LRRC36: variants seen among roughly 807,000 people sequenced by gnomAD.
The protein encoded by LRRC36 is leucine rich repeat containing 36.
A neutral mutation model predicts 81.1 loss-of-function variants in LRRC36; 62 were observed. The observed-to-expected ratio is 0.76, with a 90% confidence interval of 0.62 to 0.94. The LOEUF (loss-of-function observed/expected upper bound fraction) is 0.94, where lower values mean the gene tolerates loss of function less well. Ranked by LOEUF, LRRC36 falls within the 40% of genes least tolerant of loss-of-function variation. The probability of loss-of-function intolerance (pLI) is 0.00; values close to 1 mark genes in which losing one functional copy is unlikely to be tolerated. For synonymous variants in LRRC36, 334 were observed against 348.6 expected, an observed-to-expected ratio of 0.96 and a Z score of 0.47; for missense variants, 761 against 881.7, an observed-to-expected ratio of 0.86 and a Z score of 1.73.
intron 8 of LRRC36, 124 bp downstream of exon 8, chr16:67,367,581 C>A (rs1036035064): frequency 3.6e-6 from 3 of 842,568 alleles, no homozygotes; most frequent in Non-Finnish European, 5.5e-6. Context: ...ATTTTAGGGT[C>A]ACCAGTGGTT....
At chr16:67,364,414 G>A (rs950690957) in intron 6 of LRRC36, among the ~76,000 whole-genome samples, 1 of 152,170 alleles carries the variant, frequency 6.6e-6, no homozygotes, top group Non-Finnish European at 1.5e-5. Context: ...GTAGAAAATA[G>A]CCAGGAGGAG....
chr16:67,365,451 G>A (rs779637603), intron 7 of LRRC36, 96 bp downstream of exon 7: 2 of 1,038,910 alleles, frequency 1.9e-6, no homozygotes, highest in Admixed American at 2.2e-5. Flanking sequence ...CAATATGGGG[G>A]CCCTATTTAG....
intron 1 of LRRC36, among the ~76,000 whole-genome samples, chr16:67,333,297 A>G (rs2037587984): frequency 6.6e-6 from 1 of 151,866 alleles, no homozygotes; most frequent in Admixed American, 6.6e-5. Flanking sequence ...ATACCCTGCT[A>G]ATTTTTGTGT....
rs1285770485 is a variant in LRRC36 at position 67,341,975 on chromosome 16, C to T, written c.89C>T (p.Ser30Leu). ...TTTTCAGAACTGGTGGAGTCTCTTT[C>T]ATTGCAGGGATCTTATGCTGGCAAA... ...LEQPELVESL[S>L]LQGSYAGKIH... is the part of the protein sequence containing the mutation. Residue 30 changes from serine (S) to leucine (L), a missense_variant, in exon 2 of 14, where the codon TCA becomes TTA. Physicochemically the swap from Ser to Leu is moderately radical, Grantham distance 145 (BLOSUM62 -2). Transcript: ENST00000329956. 6 of 1,610,812 alleles carry T rather than the reference C, an allele frequency of 3.7e-6. No individual in the cohort carries two copies. Among genetic ancestry groups the T allele is most frequent in the Non-Finnish European group, 5.1e-6 (6 of 1,178,000 alleles).
At chr16:67,349,900 A>G (rs1354921995) in intron 4 of LRRC36, among the ~76,000 whole-genome samples, 2 of 152,014 alleles carry the variant, frequency 1.3e-5, no homozygotes, top group Non-Finnish European at 2.9e-5. Flanking sequence ...AGCTGGGACT[A>G]CAGGCACCCG....
chr16:67,342,074 C>T lies in LRRC36; in HGVS notation c.188C>T (p.Thr63Ile). 6.2e-7 allele frequency: 1 copy of T among 1,605,698 alleles called. No homozygotes were observed. The highest frequency in any genetic ancestry group is 8.5e-7 in the Non-Finnish European group (1 of 1,174,452). ...RSLDLSRNLI[T>I]SLKGIQYLCS... The stretch of plus-strand genomic sequence containing the variant: ...TTAGATTTATCAAGGAATTTGATCA[C>T]TAGCCTTAAGGTAAGTTATATATTC... Residue 63 changes from threonine to isoleucine, a missense_variant, in exon 2 of 14, where the codon ACT becomes ATT. This residue lies in a region of LRRC36 where 263 missense variants were observed against 279.3 expected (regional missense o/e 0.94). Coordinates refer to ENST00000329956, the MANE Select transcript of LRRC36 (RefSeq NM_018296.6).
At chr16:67,363,814 T>C in intron 6 of LRRC36, 100 bp downstream of exon 6, 1 of 1,350,818 alleles carries the variant, frequency 7.4e-7, no homozygotes, top group Non-Finnish European at 1.0e-6. Flanking sequence ...AGAGGACTTG[T>C]TTGATGAAGG....
At chr16:67,371,303 G>T in intron 9 of LRRC36, 61 bp downstream of exon 9, 1 of 1,589,414 alleles carries the variant, frequency 6.3e-7, no homozygotes, top group African/African-American at 1.3e-5. Flanking sequence ...CCAGAATGAG[G>T]GTTCTGTTGG....
At chr16:67,331,964 G>A (rs1467505656) in intron 1 of LRRC36, among the ~76,000 whole-genome samples, 1 of 151,654 alleles carries the variant, frequency 6.6e-6, no homozygotes, top group African/African-American at 2.4e-5. Context: ...CTCCAGCCTG[G>A]GCAAAGAGAG....
Position 67,343,265 on chromosome 16 carries a change from AAAT to A in LRRC36, c.198+1185_198+1187del, listed in dbSNP as rs138540305. 4.6e-3 allele frequency among the ~76,000 whole-genome samples: 693 copies of A among 152,288 alleles called. 5 individuals are homozygous for A. The highest frequency in any genetic ancestry group is 0.015 in the African/African-American group (638 of 41,554). ...GGTAAACTGGGTGAAAAACTTAGGA[AAAT>A]AATCAAATTAGGGCTGGGCACGGTG... is the stretch of plus-strand genomic sequence containing the variant. On this transcript the variant is annotated intron_variant, in intron 2 of 13. Transcript: ENST00000329956.
intron 4 of LRRC36, among the ~76,000 whole-genome samples, chr16:67,349,784 A>G (rs111290889): frequency 6.6e-6 from 1 of 151,574 alleles, no homozygotes; most frequent in South Asian, 2.1e-4. Flanking sequence ...TTTTGGAGAC[A>G]GAGTCTTGCT....
intron 8 of LRRC36, among the ~76,000 whole-genome samples, chr16:67,367,819 G>A (rs1274016299): frequency 6.6e-6 from 1 of 152,168 alleles, no homozygotes; most frequent in East Asian, 1.9e-4. Flanking sequence ...TTGGGAGGCT[G>A]AGCCGGGTGG....
At position 67,356,108 on chromosome 16, in the gene LRRC36, AACTC is replaced by A. The variant is rs141736478; in HGVS notation, c.577+5823_577+5826del. ...CTGTAGGTACTAGTTGAAACAACCTAACTCACTCTTTTTGCCAGTTCTATTTGCC... is the reference window on the plus strand; with the variant it reads ...CTGTAGGTACTAGTTGAAACAACCTAACTCTTTTTGCCAGTTCTATTTGCC... On this transcript the variant is annotated intron_variant, in intron 5 of 13. Transcript: ENST00000329956. Among the ~76,000 whole-genome samples, 1,166 of 152,338 alleles carry A rather than the reference AACTC, an allele frequency of 7.7e-3. 16 individuals carry two copies. Among genetic ancestry groups the A allele is most frequent in the African/African-American group, 0.027 (1,117 of 41,566 alleles).
intron 1 of LRRC36, chr16:67,336,702 C>G (rs1470029813): frequency 6.6e-6 from 1 of 151,384 alleles, no homozygotes; most frequent in Non-Finnish European, 1.5e-5. Flanking sequence ...GCAATCCTGT[C>G]TCAGCCTCCC....
At chr16:67,355,877 G>A (rs988111989) in intron 5 of LRRC36, among the ~76,000 whole-genome samples, 1 of 152,152 alleles carries the variant, frequency 6.6e-6, no homozygotes, top group Non-Finnish European at 1.5e-5. Flanking sequence ...CTTACAGGCT[G>A]GAGAGCAATG....
chr16:67,372,368 A>T (rs1014728894), intron 9 of LRRC36, among the ~76,000 whole-genome samples: 1 of 152,138 alleles, frequency 6.6e-6, no homozygotes, highest in African/African-American at 2.4e-5. Context: ...AAAAAAAAAA[A>T]AATAAAATAA....
chr16:67,366,874 T>C, intron 7 of LRRC36, 143 bp from the exon 8 acceptor site: 1 of 641,098 alleles, frequency 1.6e-6, no homozygotes, highest in Non-Finnish European at 2.7e-6. Context: ...CACTTTATGC[T>C]ACCATTGATC....
chr16:67,357,023 T>G (rs1279605644), intron 5 of LRRC36, among the ~76,000 whole-genome samples: 2 of 152,202 alleles, frequency 1.3e-5, no homozygotes, highest in African/African-American at 2.4e-5. Flanking sequence ...ATTTGAGAGA[T>G]AACTCAAGCT....
At chr16:67,343,229 T>C (rs771836675) in intron 2 of LRRC36, among the ~76,000 whole-genome samples, 1 of 152,214 alleles carries the variant, frequency 6.6e-6, no homozygotes, top group African/African-American at 2.4e-5. Flanking sequence ...ATACTTCCTT[T>C]CTTTCACTTC....
Sources: allele counts gnomAD v4.1 joint callset (sites outside exome capture counted in the v4.1 genomes callset), GRCh38; gene constraint gnomAD v4.1.1; regional missense constraint gnomAD v4.1.1; transcripts MANE v1.5; gene names NCBI Gene and HGNC (gene_info 2026-07-23, HGNC 2026-07-21).